Variants in LARP1B observed in about 807,000 individuals in gnomAD.
The protein encoded by LARP1B is La ribonucleoprotein 1B.
LARP1B carries 76 observed loss-of-function variants against 114.2 expected under a neutral mutation model. The observed-to-expected ratio is 0.67, with a 90% CI of 0.55 to 0.81. LARP1B has a LOEUF of 0.81. Among genes scored for constraint, LARP1B ranks in the 30% least tolerant of loss-of-function variants. The probability of loss-of-function intolerance (pLI) is 0.00; values close to 1 mark genes in which losing one functional copy is unlikely to be tolerated. For synonymous variants in LARP1B, 345 were observed against 348.0 expected (o/e 0.99, Z 0.10); for missense variants, 1,014 against 1,075.8 (o/e 0.94, Z 0.80).
intron 18 of LARP1B, chr4:128,206,900 T>C (rs1757760976): frequency 1.1e-6 from 1 of 902,108 alleles, no homozygotes; most frequent in South Asian, 5.1e-5. Context: ...TGGGACAGAC[T>C]GCTAGGTGCA....
At chr4:128,130,205 AAGG>A (rs925031476) in intron 11 of LARP1B, among the ~76,000 whole-genome samples, 1 of 152,266 alleles carries the variant, frequency 6.6e-6, no homozygotes, top group South Asian at 2.1e-4. Flanking sequence ...TTTTTTAAAA[AAGG>A]AGAGAAGCCA....
intron 11 of LARP1B, among the ~76,000 whole-genome samples, chr4:128,147,315 C>A (rs565261566): frequency 6.6e-6 from 1 of 152,254 alleles, no homozygotes; most frequent in African/African-American, 2.4e-5. Flanking sequence ...AGAGTCTTTC[C>A]CTTTTTCTCA....
At chr4:128,109,982 C>T (rs1447181315) in intron 9 of LARP1B, among the ~76,000 whole-genome samples, 2 of 152,162 alleles carry the variant, frequency 1.3e-5, no homozygotes, top group Admixed American at 1.3e-4. Context: ...CGGCTCACTG[C>T]AACTTCCGCC....
intron 7 of LARP1B, 87 bp downstream of exon 7, chr4:128,091,599 ATTTT>A: frequency 1.7e-5 from 14 of 842,884 alleles, no homozygotes; most frequent in South Asian, 9.4e-5. Context: ...ATATGCTATA[ATTTT>A]TTTTTTTTTT....
At chr4:128,135,097 C>CT (rs1792861407) in intron 11 of LARP1B, among the ~76,000 whole-genome samples, 2 of 110,118 alleles carry the variant, frequency 1.8e-5, no homozygotes, top group African/African-American at 3.1e-5. Context: ...GACTTCATCT[C>CT]AAAATAAATA....
intron 5 of LARP1B, among the ~76,000 whole-genome samples, chr4:128,090,617 T>C (rs1405351068): frequency 6.6e-6 from 1 of 152,234 alleles, no homozygotes; most frequent in Non-Finnish European, 1.5e-5. Flanking sequence ...AGGAATGTCA[T>C]TTACTTAAAT....
chr4:128,221,748 TG>T (rs769325036), intron 7 of LARP1B, among the ~76,000 whole-genome samples: 3 of 152,206 alleles, frequency 2.0e-5, no homozygotes, highest in Non-Finnish European at 4.4e-5. Flanking sequence ...AATGAGTCAG[TG>T]GATGGACTTT....
In LARP1B at chr4:128,122,175, A is replaced by G; in HGVS notation, c.1511A>G (p.His504Arg). ...DLWMEEDENKHTAIKQEVENF... is the reference protein window; with the variant it reads ...DLWMEEDENKRTAIKQEVENF... ...TGGATGGAAGAAGATGAAAACAAAC[A>G]CACAGCCATAAAGGTAATTGTTTCT... Residue 504 changes from histidine (H) to arginine (R), a missense_variant, in exon 11 of 20, where the codon CAC (histidine) becomes CGC (arginine). His to Arg is a conservative substitution (Grantham distance 29). Coordinates refer to ENST00000326639, the MANE Select transcript of LARP1B (RefSeq NM_018078.4). 2 of 1,613,888 alleles carry G rather than the reference A, an allele frequency of 1.2e-6. No individual in the cohort carries two copies. Among genetic ancestry groups the G allele is most frequent in the Non-Finnish European group, 1.7e-6 (2 of 1,179,822 alleles).
intron 7 of LARP1B, among the ~76,000 whole-genome samples, chr4:128,095,014 G>T (rs1777385855): frequency 6.6e-6 from 1 of 152,104 alleles, no homozygotes; most frequent in Non-Finnish European, 1.5e-5. Flanking sequence ...GCCTCTCAAA[G>T]TGTGGAAATG....
intron 10 of LARP1B, among the ~76,000 whole-genome samples, chr4:128,119,146 A>G (rs1188487465): frequency 1.3e-5 from 2 of 152,078 alleles, no homozygotes; most frequent in Admixed American, 6.6e-5. Context: ...CGGCCTCCCA[A>G]AGTGCTGGGA....
At chr4:128,220,499 T>G in intron 7 of LARP1B, 1 of 196,876 alleles carries the variant, frequency 5.1e-6, no homozygotes, top group Non-Finnish European at 9.2e-6. Context: ...ATCATATAAT[T>G]ATATCAATTA....
At chr4:128,182,423 T>G (rs1748859102) in intron 15 of LARP1B, among the ~76,000 whole-genome samples, 1 of 152,116 alleles carries the variant, frequency 6.6e-6, no homozygotes, top group Non-Finnish European at 1.5e-5. Context: ...ATTTTGTATT[T>G]TATGGTGATC....
intron 11 of LARP1B, among the ~76,000 whole-genome samples, chr4:128,139,140 GA>G (rs1202606099): frequency 6.6e-6 from 1 of 151,776 alleles, no homozygotes; most frequent in Admixed American, 6.6e-5. Context: ...GAATAAAAAA[GA>G]AAAAAATAGA....
chr4:128,190,509 G>A (rs1364767016), intron 15 of LARP1B, among the ~76,000 whole-genome samples: 1 of 152,168 alleles, frequency 6.6e-6, no homozygotes, highest in Non-Finnish European at 1.5e-5. Context: ...CATGTGTCAA[G>A]GGAGGGACCT....
chr4:128,084,372 G>A (rs1580064688), intron 5 of LARP1B, among the ~76,000 whole-genome samples: 3 of 152,258 alleles, frequency 2.0e-5, no homozygotes, highest in African/African-American at 4.8e-5. Context: ...CTGCAATCCC[G>A]GCACCTCCGG....
At chr4:128,084,495 C>T (rs1308654579) in intron 5 of LARP1B, among the ~76,000 whole-genome samples, 2 of 152,140 alleles carry the variant, frequency 1.3e-5, no homozygotes, top group Admixed American at 1.3e-4. Flanking sequence ...CGTGGTGGCG[C>T]GCGCCTGCAA....
intron 16 of LARP1B, among the ~76,000 whole-genome samples, chr4:128,199,861 A>G (rs899526676): frequency 2.6e-5 from 4 of 152,196 alleles, no homozygotes; most frequent in African/African-American, 9.6e-5. Flanking sequence ...CGAGGCATGC[A>G]GATCACTTGA....
At chr4:128,187,191 T>A (rs959877360) in intron 15 of LARP1B, among the ~76,000 whole-genome samples, 1 of 152,114 alleles carries the variant, frequency 6.6e-6, no homozygotes, top group African/African-American at 2.4e-5. Context: ...AGGGCCACTG[T>A]CCTCCAGACC....
chr4:128,070,823 G>T (rs1210709713), intron 1 of LARP1B, among the ~76,000 whole-genome samples: 2 of 151,354 alleles, frequency 1.3e-5, no homozygotes, highest in Non-Finnish European at 2.9e-5. Context: ...GCTAAGGAGT[G>T]GTCCTAAATA....
Sources: gnomAD v4.1 joint callset for allele counts (sites outside exome capture counted in the v4.1 genomes callset) on GRCh38, gnomAD v4.1.1 for gene constraint, MANE v1.5 for transcripts, NCBI Gene and HGNC (gene_info 2026-07-23, HGNC 2026-07-21) for gene names.